PHF24: variants seen among roughly 807,000 people sequenced by gnomAD.
The protein encoded by PHF24 is Galpha inhibitory interacting protein.
Under a neutral mutation model 42.6 loss-of-function variants are expected in PHF24, and 25 were observed. The observed-to-expected ratio is 0.59, with a 90% CI of 0.43 to 0.82. PHF24 has a LOEUF of 0.82. Ranked by LOEUF, PHF24 falls within the 40% of genes least tolerant of loss-of-function variation. The pLI is 0.00. For synonymous variants in PHF24, 185 were observed against 204.8 expected (o/e 0.90, Z 0.83); for missense variants, 470 against 538.1 (o/e 0.87, Z 1.25).
the PHF24 span, among the ~76,000 whole-genome samples, chr9:34,760,440 A>G: frequency 6.6e-6 from 1 of 152,206 alleles, no homozygotes; most frequent in Non-Finnish European, 1.5e-5. Flanking sequence ...GGTGCCGGGG[A>G]CAGAGGTGCA....
At chr9:34,691,343 A>C in the PHF24 span, 1 of 512,918 alleles carries the variant, frequency 1.9e-6, no homozygotes, top group Non-Finnish European at 3.5e-6. Flanking sequence ...ATTCCCCTTC[A>C]TGTCCCATTC....
At chr9:34,733,139 A>C in the PHF24 span, among the ~76,000 whole-genome samples, 1 of 152,192 alleles carries the variant, frequency 6.6e-6, no homozygotes, top group African/African-American at 2.4e-5. Flanking sequence ...CTCTCACCAA[A>C]ACTCTGTAAG....
the PHF24 span, among the ~76,000 whole-genome samples, chr9:34,744,197 A>C: frequency 6.6e-6 from 1 of 152,200 alleles, no homozygotes; most frequent in East Asian, 1.9e-4. Context: ...AAAGTACTCA[A>C]GATTAGGGGC....
chr9:34,895,788 A>AT, the PHF24 span: 7 of 399,222 alleles, frequency 1.8e-5, no homozygotes, highest in East Asian at 2.5e-4. Flanking sequence ...ATACCTCCAG[A>AT]TTTTACACCT....
the PHF24 span, chr9:34,689,795 G>C: frequency 6.2e-7 from 1 of 1,613,920 alleles, no homozygotes; most frequent in Non-Finnish European, 8.5e-7. The surrounding 1 kb of genome is among the most constrained non-coding windows in gnomAD (Gnocchi z 4.1). Context: ...CTCGGACTCC[G>C]GGCTCCCTCT....
At chr9:34,794,911 T>C in the PHF24 span, among the ~76,000 whole-genome samples, 1 of 152,012 alleles carries the variant, frequency 6.6e-6, no homozygotes, top group Non-Finnish European at 1.5e-5. Flanking sequence ...TAAAAATACT[T>C]GAAGAAACAA....
chr9:34,720,461 A>C, the PHF24 span, among the ~76,000 whole-genome samples: 2 of 139,546 alleles, frequency 1.4e-5, no homozygotes, highest in Non-Finnish European at 1.6e-5. Context: ...CAAAAAAAAA[A>C]CAAAACAAAA....
the PHF24 span, among the ~76,000 whole-genome samples, chr9:34,824,305 GGAC>G: frequency 6.6e-6 from 1 of 152,196 alleles, no homozygotes; most frequent in Non-Finnish European, 1.5e-5. Context: ...GATGCCCCAT[GGAC>G]TGTGCAGCTG....
the PHF24 span, among the ~76,000 whole-genome samples, chr9:34,820,568 T>C: frequency 1.1e-4 from 17 of 152,320 alleles, no homozygotes; most frequent in African/African-American, 3.4e-4. Context: ...CATGATCTTA[T>C]TCTTTTTTAT....
the PHF24 span, among the ~76,000 whole-genome samples, chr9:34,799,398 G>A: frequency 6.6e-6 from 1 of 152,150 alleles, no homozygotes; most frequent in Non-Finnish European, 1.5e-5. Flanking sequence ...AGGATGAAAT[G>A]AAATAATGTA....
At chr9:34,918,478 T>A in the PHF24 span, among the ~76,000 whole-genome samples, 3 of 152,020 alleles carry the variant, frequency 2.0e-5, no homozygotes, top group Non-Finnish European at 4.4e-5. Flanking sequence ...CCTATAAAAT[T>A]TTTCAATGTT....
chr9:34,759,651 C>T, the PHF24 span, among the ~76,000 whole-genome samples: 1 of 152,174 alleles, frequency 6.6e-6, no homozygotes, highest in African/African-American at 2.4e-5. Flanking sequence ...GTGGCTGTAA[C>T]AGTTCTATCA....
the PHF24 span, among the ~76,000 whole-genome samples, chr9:34,777,646 T>C: frequency 6.6e-6 from 1 of 152,184 alleles, no homozygotes; most frequent in African/African-American, 2.4e-5. Context: ...TGCTCATGCC[T>C]CAGTCCCAAT....
At chr9:34,797,748 G>T in the PHF24 span, among the ~76,000 whole-genome samples, 1 of 152,026 alleles carries the variant, frequency 6.6e-6, no homozygotes, top group South Asian at 2.1e-4. Context: ...GCACAGGATG[G>T]GGGCGCGGCA....
the PHF24 span, among the ~76,000 whole-genome samples, chr9:34,782,867 C>G: frequency 6.6e-6 from 1 of 152,266 alleles, no homozygotes; most frequent in South Asian, 2.1e-4. Context: ...TATCTTTAAG[C>G]TAGTCTGACT....
At chr9:34,819,823 C>A in the PHF24 span, among the ~76,000 whole-genome samples, 43 of 152,186 alleles carry the variant, frequency 2.8e-4, no homozygotes, top group East Asian at 7.7e-3. Context: ...CAAGTTGCTT[C>A]CAAGTATTGT....
the PHF24 span, among the ~76,000 whole-genome samples, chr9:34,841,663 GCCTGTCAAACATGGTGAAAC>G: frequency 6.6e-6 from 1 of 152,222 alleles, no homozygotes; most frequent in South Asian, 2.1e-4. Flanking sequence ...TTTAAGACTA[GCCTGTCAAACATGGTGAAAC>G]CCTGTCTCTA....
chr9:34,744,882 A>AG, the PHF24 span, among the ~76,000 whole-genome samples: 1 of 152,212 alleles, frequency 6.6e-6, no homozygotes, highest in African/African-American at 2.4e-5. Flanking sequence ...ATTAAAAAAA[A>AG]AAATCCAGGT....
the PHF24 span, among the ~76,000 whole-genome samples, chr9:34,777,599 G>A: frequency 1.3e-5 from 2 of 152,174 alleles, no homozygotes; most frequent in African/African-American, 4.8e-5. Context: ...GGTGGTACTT[G>A]TGCCTCAGCC....
Sources: allele counts gnomAD v4.1 joint callset (sites outside exome capture counted in the v4.1 genomes callset), GRCh38; gene constraint gnomAD v4.1.1; non-coding constraint Gnocchi (gnomAD v3.1); transcripts MANE v1.5; gene names NCBI Gene and HGNC (gene_info 2026-07-23, HGNC 2026-07-21).